The following SETD1A variants were observed in gnomAD, a reference collection of about 807,000 sequenced individuals.
The protein encoded by SETD1A is SET domain containing 1A, histone lysine methyltransferase.
A neutral mutation model predicts 149.9 loss-of-function variants in SETD1A; 29 were observed. The ratio of observed to expected loss-of-function variants is 0.19; its 90% CI spans 0.14 to 0.26. The LOEUF (loss-of-function observed/expected upper bound fraction) is 0.26. Ranked by LOEUF, SETD1A falls within the 10% of genes least tolerant of loss-of-function variation. SETD1A has a pLI of 1.00. For missense variants in SETD1A, 2,109 were observed against 2,353.1 expected, an observed-to-expected ratio of 0.90 and a Z score of 2.15; for synonymous variants, 1,141 against 968.5, an observed-to-expected ratio of 1.18 and a Z score of -3.31.
chr16:30,972,761 G>C (rs765572317), intron 13 of SETD1A, among the ~76,000 whole-genome samples: 9 of 151,870 alleles, frequency 5.9e-5, no homozygotes, highest in Non-Finnish European at 1.3e-4. Context: ...GGCTGAGGTG[G>C]GAGGATCACT....
chr16:30,971,333 G>A (rs1452029912), intron 12 of SETD1A, 45 bp from the exon 13 acceptor site: 5 of 1,536,286 alleles, frequency 3.3e-6, no homozygotes, highest in Non-Finnish European at 4.4e-6. Context: ...GGCTGGCCAA[G>A]TGAGGTCTGC....
At chr16:30,982,707 G>A (rs1017675584) in intron 17 of SETD1A, among the ~76,000 whole-genome samples, 2 of 151,942 alleles carry the variant, frequency 1.3e-5, no homozygotes, top group African/African-American at 4.8e-5. Flanking sequence ...CATGGCTAGT[G>A]AGCTCCATGT....
rs908339949 is a variant in SETD1A, at chr16:30,965,745, C to T, written c.1864C>T (p.Pro622Ser). 7 of 1,446,842 alleles carry T rather than the reference C, an allele frequency of 4.8e-6. No individual in the cohort carries two copies. Among genetic ancestry groups the T allele is most frequent in the Non-Finnish European group, 6.5e-6 (7 of 1,081,362 alleles). 89.6% of individuals were successfully genotyped at this position (1,446,842 alleles called of 1,614,324 possible). The change falls in exon 8 of 19, where the codon CCT becomes TCT. Residue 622 changes from proline (P) to serine (S), a missense_variant. By Grantham distance (74) the Pro-to-Ser change is moderately conservative (BLOSUM62 -1). Around this residue, in one of 8 missense-constraint regions of SETD1A, gnomAD observed 431 missense variants for 388.6 expected, o/e 1.11. Transcript: ENST00000262519. Reference sequence around the variant, plus strand: ...TCCTCCTCCCTACCTGGCGTCCCTTCCTCTTGGTTATCCTCCCCACCAACC... The same window carrying T: ...TCCTCCTCCCTACCTGGCGTCCCTTTCTCTTGGTTATCCTCCCCACCAACC... ...PPPPPYLASL[P>S]LGYPPHQPAY...
intron 12 of SETD1A, among the ~76,000 whole-genome samples, chr16:30,970,561 C>T (rs1335821987): frequency 1.3e-5 from 2 of 152,192 alleles, no homozygotes; most frequent in African/African-American, 2.4e-5. Context: ...AGCCACTGCA[C>T]GCAGCCTCTT....
chr16:30,980,883 T>TGGGGTGGGGC lies in SETD1A; in HGVS notation c.4692+35_4692+44dup. On this transcript the variant is annotated intron_variant, in intron 16 of 18. Transcript: ENST00000262519. The surrounding 1 kb of genome is among the most constrained non-coding windows in gnomAD (Gnocchi z 7.7). ...GGGCTGCAGGAGGGGCTGGGTGGGG[T>TGGGGTGGGGC]GGGGTGGGGCAGGAAGGGGCAGAGG... 1.6e-5 allele frequency: 2 copies of TGGGGTGGGGC among 121,996 alleles called. No homozygotes were observed. The highest frequency in any genetic ancestry group is 3.5e-5 in the Non-Finnish European group (2 of 56,718). 7.6% of individuals were successfully genotyped at this position (121,996 alleles called of 1,614,324 possible).
intron 10 of SETD1A, 126 bp downstream of exon 10, chr16:30,967,714 G>A: frequency 4.0e-6 from 3 of 750,776 alleles, no homozygotes; most frequent in Non-Finnish European, 6.9e-6. Context: ...GGGTTGAAAT[G>A]CAGCAGTTCT....
At chr16:30,974,157 ATG>A (rs2056257125) in intron 13 of SETD1A, among the ~76,000 whole-genome samples, 1 of 152,102 alleles carries the variant, frequency 6.6e-6, no homozygotes, top group Non-Finnish European at 1.5e-5. Flanking sequence ...AGGAGGTAGG[ATG>A]ATTTGGTTAA....
rs1047067626 is a variant in SETD1A, at chr16:30,966,186, G to C, written c.2305G>C (p.Ala769Pro). 2 of 1,612,040 alleles carry C rather than the reference G, an allele frequency of 1.2e-6. No individual in the cohort carries two copies. Among genetic ancestry groups the C allele is most frequent in the African/African-American group, 2.7e-5 (2 of 74,930 alleles). Residue 769 changes from alanine (A) to proline (P), a missense_variant, in exon 8 of 19, where the codon GCC becomes CCC. Transcript: ENST00000262519. ...LPSSSVSGEE[A>P]RLPPREEAEL... is the part of the protein sequence containing the mutation. ...CTCCTCCTCAGTCTCGGGAGAGGAG[G>C]CCCGGCTGCCACCCAGGGAAGAAGC...
chr16:30,980,673 C>T lies in SETD1A; in HGVS notation c.4581+16C>T. ...GGACACTCAGGTGGGCCTAACCCCG[C>T]CGCCGCGTCCTCCTGCCACTCACTT... On this transcript the variant is annotated intron_variant, in intron 15 of 18. Transcript: ENST00000262519. The surrounding 1 kb of genome is among the most constrained non-coding windows in gnomAD (Gnocchi z 7.7). 1 of 1,610,090 alleles carries T rather than the reference C, an allele frequency of 6.2e-7. No homozygotes were observed. Among genetic ancestry groups the T allele is most frequent in the Non-Finnish European group, 8.5e-7 (1 of 1,178,904 alleles).
chr16:30,977,739 C>CG (rs1226440347), intron 13 of SETD1A, among the ~76,000 whole-genome samples: 2 of 152,200 alleles, frequency 1.3e-5, no homozygotes, highest in Admixed American at 6.5e-5. Flanking sequence ...AAGGTGCAGC[C>CG]AAGAGCCTGG....
Position 30,980,421 on chromosome 16 carries a change from C to T in SETD1A, c.4409-64C>T, listed in dbSNP as rs2056357658. ...GTATGCTCAGCGGCGTGGGCCCCGCCCTCTCCTTTGGCTGGGACGCAGGTG... is the reference window on the plus strand; with the variant it reads ...GTATGCTCAGCGGCGTGGGCCCCGCTCTCTCCTTTGGCTGGGACGCAGGTG... On this transcript the variant is annotated intron_variant, in intron 14 of 18. Coordinates refer to ENST00000262519, the MANE Select transcript of SETD1A (RefSeq NM_014712.3). The surrounding 1 kb of genome is among the most constrained non-coding windows in gnomAD (Gnocchi z 7.7). The T allele has an allele frequency of 1.3e-6, 2 of 1,558,738 alleles. No individual in the cohort carries two copies. Among genetic ancestry groups the T allele is most frequent in the South Asian group, 1.2e-5 (1 of 83,096 alleles).
At chr16:30,974,400 G>T (rs924365247) in intron 13 of SETD1A, among the ~76,000 whole-genome samples, 2 of 152,088 alleles carry the variant, frequency 1.3e-5, no homozygotes, top group Admixed American at 6.6e-5. Flanking sequence ...CGAGTGGGGG[G>T]AGAGAAAGGG....
chr16:30,983,248 C>T lies in SETD1A; in HGVS notation c.4813-387C>T, dbSNP rs1041660496. On this transcript the variant is annotated intron_variant, in intron 17 of 18. Transcript: ENST00000262519. This position sits in a 1 kb window ranked among gnomAD's most constrained non-coding sequence, Gnocchi z 6.8. Reference sequence around the variant, plus strand: ...CAGGTGCCTGTTTTGGAGAGAGGTCCAGGGAGGAGAGATGAGCAGGGTGCC... The same window carrying T: ...CAGGTGCCTGTTTTGGAGAGAGGTCTAGGGAGGAGAGATGAGCAGGGTGCC... Among the ~76,000 whole-genome samples the T allele has an allele frequency of 6.6e-6, 1 of 152,144 alleles. No homozygotes were observed. Among genetic ancestry groups the T allele is most frequent in the East Asian group, 1.9e-4 (1 of 5,184 alleles).
At chr16:30,967,941 G>A (rs1048892270) in intron 10 of SETD1A, among the ~76,000 whole-genome samples, 1 of 152,144 alleles carries the variant, frequency 6.6e-6, no homozygotes, top group African/African-American at 2.4e-5. Context: ...GCCTGAGTTT[G>A]AGCCCTTGCT....
Position 30,980,759 on chromosome 16 carries a change from C to G in SETD1A, c.4602C>G (p.Ser1534=), listed in dbSNP as rs143443130. 1.3e-5 allele frequency: 21 copies of G among 1,612,672 alleles called. No individual in the cohort carries two copies. Among genetic ancestry groups the G allele is most frequent in the Middle Eastern group, 1.6e-4 (1 of 6,082 alleles). The change falls in exon 16 of 19, where the codon TCC becomes TCG. Residue 1534 remains serine, a synonymous_variant. Coordinates refer to ENST00000262519, the MANE Select transcript of SETD1A (RefSeq NM_014712.3). This position sits in a 1 kb window ranked among gnomAD's most constrained non-coding sequence, Gnocchi z 7.7. The part of the protein sequence containing the change: ...VDTQGTNRVL[S]ERRSEQRRLL... ...CACAGGGGACGAACCGCGTGCTGTC[C>G]GAGCGCCGGTCCGAGCAGCGGCGGC... is the stretch of plus-strand genomic sequence containing the variant.
chr16:30,963,750 T>C (rs11640210), intron 5 of SETD1A, among the ~76,000 whole-genome samples, 196 bp downstream of exon 5: 10,439 of 152,276 alleles, frequency 0.069, 484 homozygotes, highest in Non-Finnish European at 0.11. Context: ...CCCAGCACTT[T>C]GGGAGGCCGA....
Position 30,969,620 on chromosome 16 carries a change from G to A in SETD1A, c.2947G>A (p.Glu983Lys). The change falls in exon 12 of 19, where the codon GAA becomes AAA. Residue 983 changes from glutamate to lysine, a missense_variant. Physicochemically the swap from Glu to Lys is moderately conservative, Grantham distance 56 (BLOSUM62 1). Transcript: ENST00000262519. Reference protein sequence around the residue: ...SSEKDEEDDEEDEEDEDREEA... With the variant: ...SSEKDEEDDEKDEEDEDREEA... ...TCTTAAGGATGAGGAGGATGACGAG[G>A]AAGATGAGGAAGATGAAGATCGAGA... The A allele has an allele frequency of 1.9e-6, 3 of 1,614,076 alleles. No homozygotes were observed. Among genetic ancestry groups the A allele is most frequent in the Non-Finnish European group, 2.5e-6 (3 of 1,179,968 alleles).
At chr16:30,962,705 G>C (rs943251451) in intron 4 of SETD1A, among the ~76,000 whole-genome samples, 1 of 152,272 alleles carries the variant, frequency 6.6e-6, no homozygotes, top group African/African-American at 2.4e-5. Context: ...CCAAGACTCT[G>C]AGAGGCCAAG....
chr16:30,966,489 C>T (rs1331004208), intron 8 of SETD1A, 103 bp downstream of exon 8: 5 of 1,454,184 alleles, frequency 3.4e-6, no homozygotes, highest in African/African-American at 1.4e-5. Flanking sequence ...GTGATGGAGG[C>T]GAGTGGAGAG....
Sources: allele counts gnomAD v4.1 joint callset (sites outside exome capture counted in the v4.1 genomes callset), GRCh38; gene constraint gnomAD v4.1.1; regional missense constraint gnomAD v4.1.1; non-coding constraint Gnocchi (gnomAD v3.1); transcripts MANE v1.5; gene names NCBI Gene and HGNC (gene_info 2026-07-23, HGNC 2026-07-21).